The following COL23A1 variants were observed in gnomAD, a reference collection of about 807,000 sequenced individuals.
COL23A1 encodes the protein collagen alpha-1(XXIII) chain.
Under a neutral mutation model 99.3 loss-of-function variants are expected in COL23A1, and 97 were observed. That is an observed-to-expected ratio of 0.98 (90% CI 0.83 to 1.16). The LOEUF (loss-of-function observed/expected upper bound fraction) is 1.16, where lower values mean the gene tolerates loss of function less well. Among genes scored for constraint, COL23A1 ranks in the 50% most tolerant of loss-of-function variants. The pLI is 0.00. For missense variants in COL23A1, 762 were observed against 757.4 expected, an observed-to-expected ratio of 1.01 and a Z score of -0.07; for synonymous variants, 320 against 308.2, an observed-to-expected ratio of 1.04 and a Z score of -0.40.
At chr5:178,347,194 C>G (rs1396010059) in intron 2 of COL23A1, among the ~76,000 whole-genome samples, 1 of 152,162 alleles carries the variant, frequency 6.6e-6, no homozygotes, top group African/African-American at 2.4e-5. Context: ...CACACGGAAA[C>G]TGAAAGGTGG....
At chr5:178,441,250 T>C (rs1766848537) in intron 2 of COL23A1, among the ~76,000 whole-genome samples, 1 of 152,226 alleles carries the variant, frequency 6.6e-6, no homozygotes, top group Non-Finnish European at 1.5e-5. Context: ...GACCACACCC[T>C]ACAGTTAAGA....
At chr5:178,293,035 G>A (rs1009162819) in intron 3 of COL23A1, among the ~76,000 whole-genome samples, 1 of 152,052 alleles carries the variant, frequency 6.6e-6, no homozygotes, top group East Asian at 1.9e-4. Context: ...GGGTCTGATG[G>A]GAGAGGGTTT....
chr5:178,469,416 CTGT>C (rs1368757162), intron 2 of COL23A1, among the ~76,000 whole-genome samples: 2 of 152,168 alleles, frequency 1.3e-5, no homozygotes, highest in South Asian at 2.1e-4. Flanking sequence ...CTCTGAGATA[CTGT>C]TGTTCTAAGC....
intron 2 of COL23A1, among the ~76,000 whole-genome samples, chr5:178,336,485 A>C (rs535420425): frequency 7.9e-5 from 12 of 152,264 alleles, no homozygotes; most frequent in African/African-American, 1.4e-4. Context: ...GAAGCCAGGC[A>C]CAGAAGGCCT....
chr5:178,390,508 T>G (rs1041604160), intron 2 of COL23A1, among the ~76,000 whole-genome samples: 2 of 152,300 alleles, frequency 1.3e-5, no homozygotes, highest in South Asian at 4.1e-4. Flanking sequence ...CACCCCAAAG[T>G]GCACAGGACA....
chr5:178,320,453 T>G (rs908748495), intron 2 of COL23A1, among the ~76,000 whole-genome samples: 5 of 152,232 alleles, frequency 3.3e-5, no homozygotes, highest in African/African-American at 1.2e-4. Context: ...CACCTCATTC[T>G]CAGAGCAGGT....
chr5:178,545,179 TGG>T, intron 2 of COL23A1, among the ~76,000 whole-genome samples: 1 of 148,170 alleles, frequency 6.7e-6, no homozygotes, highest in East Asian at 2.1e-4. Context: ...TAGTTCCTGA[TGG>T]GGGAGGCGGG....
At chr5:178,324,214 G>A (rs183886553) in intron 2 of COL23A1, among the ~76,000 whole-genome samples, 7 of 152,254 alleles carry the variant, frequency 4.6e-5, no homozygotes, top group South Asian at 2.1e-4. Context: ...TTCAGATTCA[G>A]TGGGGCTGGA....
chr5:178,318,149 TG>T (rs1241755245), intron 2 of COL23A1, among the ~76,000 whole-genome samples: 1 of 152,226 alleles, frequency 6.6e-6, no homozygotes, highest in Non-Finnish European at 1.5e-5. Flanking sequence ...AAATCTTCAG[TG>T]ATCTACCAAA....
chr5:178,252,506 A>G, intron 17 of COL23A1, 38 bp downstream of exon 17: 2 of 1,591,192 alleles, frequency 1.3e-6, no homozygotes, highest in Non-Finnish European at 8.6e-7. Flanking sequence ...CCCTGGAGAC[A>G]AATGCTTGGG....
At chr5:178,325,905 A>AGTCT (rs1759622664) in intron 2 of COL23A1, among the ~76,000 whole-genome samples, 2 of 152,276 alleles carry the variant, frequency 1.3e-5, no homozygotes, top group South Asian at 4.1e-4. Flanking sequence ...GTGCCTGCCC[A>AGTCT]GTCTGTCCAC....
intron 2 of COL23A1, among the ~76,000 whole-genome samples, chr5:178,345,692 AT>A (rs760731290): frequency 1.5e-3 from 196 of 133,518 alleles, no homozygotes; most frequent in Admixed American, 1.7e-3. Flanking sequence ...AATTTTTTGT[AT>A]TTTTTTTTTT....
chr5:178,355,133 T>G (rs1761565744), intron 2 of COL23A1, among the ~76,000 whole-genome samples: 1 of 152,150 alleles, frequency 6.6e-6, no homozygotes, highest in African/African-American at 2.4e-5. Context: ...TTAGGCATTA[T>G]AAGTAATCTA....
At chr5:178,502,298 A>AT (rs1217577213) in intron 2 of COL23A1, among the ~76,000 whole-genome samples, 4 of 151,946 alleles carry the variant, frequency 2.6e-5, no homozygotes, top group Admixed American at 2.0e-4. Flanking sequence ...CGCCCGGCTA[A>AT]TTTTTTGTAT....
Position 178,407,051 on chromosome 5 carries a change from T to C in COL23A1, c.362-100132A>G, listed in dbSNP as rs577416219. On this transcript the variant is annotated intron_variant, in intron 2 of 28. Transcript: ENST00000390654. ...AAGGACAGAGAGGTGAATTTACTTG[T>C]TTGTTTCGGTCTCATATATGCAGAA... 9.9e-5 allele frequency among the ~76,000 whole-genome samples: 15 copies of C among 152,284 alleles called. No individual in the cohort carries two copies. The South Asian group carries it at 3.1e-3, about 32-fold the overall frequency.
intron 1 of COL23A1, among the ~76,000 whole-genome samples, chr5:178,561,645 C>T (rs1762564648): frequency 6.6e-6 from 1 of 152,102 alleles, no homozygotes; most frequent in Non-Finnish European, 1.5e-5. Context: ...ACTTGAGTCC[C>T]AATGAAGACA....
chr5:178,320,508 A>G (rs1759234941), intron 2 of COL23A1, among the ~76,000 whole-genome samples: 2 of 152,180 alleles, frequency 1.3e-5, no homozygotes, highest in South Asian at 4.1e-4. Context: ...CCAGCTCTGC[A>G]GGATGCTGAG....
intron 5 of COL23A1, among the ~76,000 whole-genome samples, chr5:178,279,900 C>T (rs79774999): frequency 0.021 from 3,152 of 152,244 alleles, 135 homozygotes; most frequent in African/African-American, 0.072. Flanking sequence ...GCCCTGGCCA[C>T]GAGGCATAGT....
chr5:178,576,849 T>TC (rs1473967566), intron 1 of COL23A1, among the ~76,000 whole-genome samples: 20 of 151,094 alleles, frequency 1.3e-4, no homozygotes, highest in Admixed American at 2.0e-4. Flanking sequence ...GCGCCGCCCC[T>TC]CCCCCTGCGC....
Sources: allele counts gnomAD v4.1 joint callset (sites outside exome capture counted in the v4.1 genomes callset), GRCh38; gene constraint gnomAD v4.1.1; transcripts MANE v1.5; gene names NCBI Gene and HGNC (gene_info 2026-07-23, HGNC 2026-07-21).